The following NOTCH2 variants were observed in gnomAD, a reference collection of about 807,000 sequenced individuals.
NOTCH2 encodes neurogenic locus notch homolog protein 2.
A neutral mutation model predicts 235.8 loss-of-function variants in NOTCH2; 29 were observed. The ratio of observed to expected loss-of-function variants is 0.12; its 90% confidence interval spans 0.09 to 0.17. NOTCH2 has a LOEUF of 0.17. NOTCH2 is among the 10% of genes least tolerant of loss of function. The probability of loss-of-function intolerance (pLI) is 1.00; values close to 1 mark genes in which losing one functional copy is unlikely to be tolerated. For synonymous variants in NOTCH2, 1,086 were observed against 1,141.5 expected, an observed-to-expected ratio of 0.95 and a Z score of 0.98; for missense variants, 2,285 against 3,150.2, an observed-to-expected ratio of 0.73 and a Z score of 6.57.
chr1:120,066,395 T>G (rs1553217087), intron 1 of NOTCH2, among the ~76,000 whole-genome samples: 1 of 146,930 alleles, frequency 6.8e-6, no homozygotes, highest in African/African-American at 2.6e-5. Context: ...GGGTGCTGAG[T>G]CCAAGATCCA....
rs1179526389 is a variant in NOTCH2 at position 119,925,750 on chromosome 1, G to C, written c.4066C>G (p.Gln1356Glu). 1 of 1,614,094 alleles carries C rather than the reference G, an allele frequency of 6.2e-7. No individual in the cohort carries two copies. The highest frequency in any genetic ancestry group is 1.1e-5 in the South Asian group (1 of 91,068). Residue 1356 changes from glutamine to glutamate, a missense_variant, in exon 25 of 34, where the codon CAG (glutamine) becomes GAG (glutamate). Around this residue, in one of 6 missense-constraint regions of NOTCH2, gnomAD observed 1,173 missense variants for 1,515.3 expected, o/e 0.77. Transcript: ENST00000256646. Reference sequence around the variant, plus strand: ...GGTCCAGAGGCGGTGTGCACACACTGCTCCCCCTTCCTACATTTCACTTGT... The same window carrying C: ...GGTCCAGAGGCGGTGTGCACACACTCCTCCCCCTTCCTACATTTCACTTGT... ...CGQVKCRKGE[Q>E]CVHTASGPRC...
chr1:119,988,712 C>A (rs1652114013), intron 4 of NOTCH2, among the ~76,000 whole-genome samples: 1 of 151,930 alleles, frequency 6.6e-6, no homozygotes, highest in African/African-American at 2.4e-5. Context: ...AAAATGGGGC[C>A]CCTGGCCTAC....
At chr1:120,048,234 C>G (rs1405554147) in intron 1 of NOTCH2, among the ~76,000 whole-genome samples, 3 of 139,702 alleles carry the variant, frequency 2.1e-5, no homozygotes, top group Non-Finnish European at 4.6e-5. Context: ...CACATATATA[C>G]GTGCATAGCA....
At position 119,941,452 on chromosome 1, in the gene NOTCH2, T is replaced by C. The variant is rs1004808344; in HGVS notation, c.2981+74A>G. 2.4e-5 allele frequency: 25 copies of C among 1,051,568 alleles called. 1 individual carries two copies. The highest frequency in any genetic ancestry group is 2.9e-4 in the Middle Eastern group (1 of 3,458). 65.1% of individuals were successfully genotyped at this position (1,051,568 alleles called of 1,614,324 possible). On this transcript the variant is annotated intron_variant, in intron 18 of 33. Transcript: ENST00000256646. ...TCATCCCTGCTCCACAATTCTAGCA[T>C]TGTGCTCTGAAATTTCCTTCCCTTT...
In NOTCH2 at chr1:119,955,242, A is replaced by AG. The variant is rs1553198271; in HGVS notation, c.2027-11dup. 6 of 1,613,726 alleles carry AG rather than the reference A, an allele frequency of 3.7e-6. 1 individual carries two copies. The Admixed American group carries it at 8.3e-5, about 22-fold the overall frequency. ...ATGTTACATCTCTGCCCTGTGGAGA[A>AG]GGGGGACAGTGTTAGTCACATCCTA... On this transcript the variant is annotated splice_polypyrimidine_tract_variant and intron_variant, in intron 12 of 33. Coordinates refer to ENST00000256646, the MANE Select transcript of NOTCH2 (RefSeq NM_024408.4).
chr1:119,925,918 C>G (rs1649458149), intron 24 of NOTCH2, 108 bp from the exon 25 acceptor site: 1 of 1,305,194 alleles, frequency 7.7e-7, no homozygotes, highest in African/African-American at 1.5e-5. Flanking sequence ...CTGTACTTCC[C>G]GTTCAGCCCA....
chr1:120,027,639 CT>C (rs1653917927), intron 2 of NOTCH2, among the ~76,000 whole-genome samples: 1 of 151,772 alleles, frequency 6.6e-6, no homozygotes, highest in African/African-American at 2.4e-5. Flanking sequence ...CCCCCACCCC[CT>C]GACAGGCCCC....
chr1:119,953,379 C>A (rs891439040), intron 14 of NOTCH2, among the ~76,000 whole-genome samples, 164 bp downstream of exon 14: 1 of 152,054 alleles, frequency 6.6e-6, no homozygotes, highest in African/African-American at 2.4e-5. Flanking sequence ...GAAATTGTAT[C>A]TATTCATGTT....
chr1:119,913,088 T>C lies in NOTCH2; in HGVS notation c.*2218A>G, dbSNP rs941664824. ...GTACGCTGTGGTCCACAGAGGTCCA[T>C]GCAGATAGGTTCTCCCCATCTGTGA... On this transcript the variant is annotated 3_prime_UTR_variant, in exon 34 of 34. Transcript: ENST00000256646. 1 of 233,176 alleles carries C rather than the reference T, an allele frequency of 4.3e-6. No individual in the cohort carries two copies. The highest frequency in any genetic ancestry group is 2.2e-5 in the African/African-American group (1 of 45,318). 14.4% of individuals were successfully genotyped at this position (233,176 alleles called of 1,614,324 possible). A position where few individuals can be genotyped will look rare whatever the true frequency, so the allele number is the denominator to read the frequency against.
chr1:119,942,342 C>T (rs1650092256), intron 17 of NOTCH2, among the ~76,000 whole-genome samples: 1 of 152,202 alleles, frequency 6.6e-6, no homozygotes, highest in Admixed American at 6.5e-5. Flanking sequence ...TGCCACGGCA[C>T]TCTACAATTA....
intron 5 of NOTCH2, among the ~76,000 whole-genome samples, chr1:119,985,298 A>G (rs1321989271): frequency 1.3e-5 from 2 of 152,172 alleles, no homozygotes; most frequent in African/African-American, 4.8e-5. Context: ...AAATCAAAAG[A>G]AATAAAACTG....
intron 1 of NOTCH2, among the ~76,000 whole-genome samples, chr1:120,037,107 A>G (rs1309752299): frequency 1.3e-5 from 2 of 152,116 alleles, no homozygotes; most frequent in Admixed American, 1.3e-4. Flanking sequence ...CGTCTATCTC[A>G]CATGATTTTT....
rs782688832 is a variant in NOTCH2, at chr1:120,005,615, A to G, written c.156-27T>C. On this transcript the variant is annotated intron_variant, in intron 2 of 33. Coordinates refer to ENST00000256646, the MANE Select transcript of NOTCH2 (RefSeq NM_024408.4). Reference sequence around the variant, plus strand: ...TGTATGGAAAAGAGAAGAGTCCATGAAAACACCTGACTTCTTGTAAGTCCA... The same window carrying G: ...TGTATGGAAAAGAGAAGAGTCCATGGAAACACCTGACTTCTTGTAAGTCCA... 5.0e-6 allele frequency: 7 copies of G among 1,402,262 alleles called. No homozygotes were observed. The East Asian group carries it at 1.4e-4, about 28-fold the overall frequency. 86.9% of individuals were successfully genotyped at this position (1,402,262 alleles called of 1,614,324 possible).
rs2101151514 is a variant in NOTCH2 at position 119,920,314 on chromosome 1, G to A, written c.5394C>T (p.Asp1798=). ...PWTQQHLEAA[D]IRRTPSLALT... is the part of the protein sequence containing the mutation. The stretch of plus-strand genomic sequence containing the variant: ...GAGCCAGCGATGGTGTCCTACGGAT[G>A]TCTGCAGCTTCAAGGTGCTGCTGTG... The change falls in exon 30 of 34, where the codon GAC becomes GAT. Residue 1798 remains aspartate (D), a synonymous_variant. Coordinates refer to ENST00000256646, the MANE Select transcript of NOTCH2 (RefSeq NM_024408.4). 3 of 1,614,178 alleles carry A rather than the reference G, an allele frequency of 1.9e-6. No homozygotes were observed. The highest frequency in any genetic ancestry group is 2.2e-5 in the East Asian group (1 of 44,888).
intron 29 of NOTCH2, among the ~76,000 whole-genome samples, chr1:119,920,801 A>G (rs1252347656): frequency 2.0e-5 from 3 of 152,342 alleles, no homozygotes; most frequent in East Asian, 3.9e-4. Context: ...TCTCCACCAC[A>G]AGGCTGTAAG....
At chr1:120,041,070 A>C (rs201103788) in intron 1 of NOTCH2, among the ~76,000 whole-genome samples, 1 of 109,540 alleles carries the variant, frequency 9.1e-6, no homozygotes, top group South Asian at 2.9e-4. Context: ...AAAAAAAAAA[A>C]AATATATATA....
chr1:119,947,836 T>C (rs1180079559), intron 17 of NOTCH2, among the ~76,000 whole-genome samples: 6 of 152,214 alleles, frequency 3.9e-5, no homozygotes, highest in Admixed American at 6.5e-5. Context: ...ATAAACAACA[T>C]GGACGGATCT....
intron 17 of NOTCH2, among the ~76,000 whole-genome samples, chr1:119,947,691 C>T (rs1356781246): frequency 2.0e-5 from 3 of 152,202 alleles, no homozygotes; most frequent in Non-Finnish European, 2.9e-5. Context: ...TATGTCCACA[C>T]AAAGACTCAT....
rs1168200744 is a variant in NOTCH2 at position 119,996,929 on chromosome 1, A to G, written c.751+68T>C. On this transcript the variant is annotated intron_variant, in intron 4 of 33. Transcript: ENST00000256646. ...TTGGGCTTCCTAAAAACAGCAATTGAGCCACACCCACTACCTCCTGTGCTA... is the reference window on the plus strand; with the variant it reads ...TTGGGCTTCCTAAAAACAGCAATTGGGCCACACCCACTACCTCCTGTGCTA... 8 of 1,566,428 alleles carry G rather than the reference A, an allele frequency of 5.1e-6. No homozygotes were observed. The South Asian group carries it at 9.1e-5, about 18-fold the overall frequency.
Sources: allele counts gnomAD v4.1 joint callset (sites outside exome capture counted in the v4.1 genomes callset), GRCh38; gene constraint gnomAD v4.1.1; regional missense constraint gnomAD v4.1.1; transcripts MANE v1.5; gene names NCBI Gene and HGNC (gene_info 2026-07-23, HGNC 2026-07-21).